USF3: variants seen among roughly 807,000 people sequenced by gnomAD.
USF3 encodes upstream transcription factor family member 3.
In USF3, 29 loss-of-function variants were observed where a neutral mutation model predicts 157.5. The ratio of observed to expected loss-of-function variants is 0.18; its 90% confidence interval spans 0.14 to 0.25. The LOEUF (loss-of-function observed/expected upper bound fraction) is 0.25, where lower values mean the gene tolerates loss of function less well. Among genes scored for constraint, USF3 ranks in the 10% least tolerant of loss-of-function variants. The probability of loss-of-function intolerance (pLI) is 1.00; values close to 1 mark genes in which losing one functional copy is unlikely to be tolerated. For synonymous variants in USF3, 893 were observed against 941.4 expected (o/e 0.95, Z 0.94); for missense variants, 2,381 against 2,667.6 (o/e 0.89, Z 2.37).
At chr3:113,679,712 C>G (rs1707367251) in intron 1 of USF3, among the ~76,000 whole-genome samples, 2 of 152,152 alleles carry the variant, frequency 1.3e-5, no homozygotes, top group Non-Finnish European at 2.9e-5. Flanking sequence ...CCACGCCCAG[C>G]CTCAGAAAGT....
intron 1 of USF3, among the ~76,000 whole-genome samples, chr3:113,692,345 T>C (rs1347388461): frequency 6.6e-6 from 1 of 152,216 alleles, no homozygotes; most frequent in Non-Finnish European, 1.5e-5. Flanking sequence ...ACTCCATTAC[T>C]GAGTGCTAAT....
intron 1 of USF3, among the ~76,000 whole-genome samples, chr3:113,692,415 T>C (rs1021873386): frequency 6.6e-6 from 1 of 151,656 alleles, no homozygotes; most frequent in Non-Finnish European, 1.5e-5. Flanking sequence ...AATACAAACA[T>C]GAAAAAAAAT....
chr3:113,681,531 T>G (rs1235872907), intron 1 of USF3, among the ~76,000 whole-genome samples: 1 of 151,136 alleles, frequency 6.6e-6, no homozygotes, highest in South Asian at 2.1e-4. Context: ...TACTTGATAT[T>G]ATTTCACCAC....
rs142461559 is a variant in USF3, at chr3:113,679,910, T to A, written c.-134-2513A>T. 1.1e-3 allele frequency among the ~76,000 whole-genome samples: 165 copies of A among 152,228 alleles called. 2 individuals carry two copies. The highest frequency in any genetic ancestry group is 3.8e-3 in the African/African-American group (159 of 41,558). ...TCATTTTTATTGCTGAGTATAAATA[T>A]ACAACTGCATGTGAATTTGTAACAG... On this transcript the variant is annotated intron_variant, in intron 1 of 6. Transcript: ENST00000316407.
intron 1 of USF3, among the ~76,000 whole-genome samples, chr3:113,682,350 C>CA (rs371137226): frequency 0.01 from 1,401 of 137,336 alleles, 15 homozygotes; most frequent in African/African-American, 0.032. Flanking sequence ...AACAAACAAA[C>CA]AAAAAAAAAA....
chr3:113,664,502 T>C (rs1039838140), intron 5 of USF3, 93 bp from the exon 6 acceptor site: 21 of 614,306 alleles, frequency 3.4e-5, no homozygotes, highest in Non-Finnish European at 6.0e-5. Context: ...CACATATATA[T>C]GATACGTATC....
At chr3:113,695,058 G>T (rs1707769966) in intron 1 of USF3, among the ~76,000 whole-genome samples, 1 of 151,504 alleles carries the variant, frequency 6.6e-6, no homozygotes, top group Non-Finnish European at 1.5e-5. Flanking sequence ...AAAAATAAAA[G>T]AAAGTTTACG....
Position 113,657,172 on chromosome 3 carries a change from A to G in USF3, c.4510T>C (p.Ser1504Pro). The G allele has an allele frequency of 2.5e-6, 4 of 1,614,088 alleles. No individual in the cohort carries two copies. Among genetic ancestry groups the G allele is most frequent in the Non-Finnish European group, 3.4e-6 (4 of 1,180,026 alleles). The change falls in exon 7 of 7, where the codon TCT becomes CCT. Residue 1504 changes from serine (S) to proline (P), a missense_variant. By Grantham distance (74) the Ser-to-Pro change is moderately conservative (BLOSUM62 -1). Transcript: ENST00000316407. ...HVPHAESSVHSQPHNVHQQRT... is the reference protein window; with the variant it reads ...HVPHAESSVHPQPHNVHQQRT... ...TGTTGGTGGACATTATGGGGCTGAG[A>G]GTGGACAGAGCTCTCTGCATGAGGT...
In USF3 at chr3:113,656,605, T is replaced by C. The variant is rs748961008; in HGVS notation, c.5077A>G (p.Arg1693Gly). Residue 1693 changes from arginine to glycine, a missense_variant, in exon 7 of 7, where the codon AGA becomes GGA. Physicochemically the swap from Arg to Gly is moderately radical, Grantham distance 125. This residue lies in a region of USF3 where 770 missense variants were observed against 824.2 expected (regional missense o/e 0.93). Coordinates refer to ENST00000316407, the MANE Select transcript of USF3 (RefSeq NM_001009899.4). ...QRMGISIQGS[R>G]VSDQLEMRSY... ...CTCATTTCAAGCTGATCTGAAACTC[T>C]GGAACCCTGAATTGATATCCCCATT... The C allele has an allele frequency of 1.9e-6, 3 of 1,614,252 alleles. No homozygotes were observed. Among genetic ancestry groups the C allele is most frequent in the Non-Finnish European group, 2.5e-6 (3 of 1,180,044 alleles).
Position 113,655,875 on chromosome 3 carries a change from T to C in USF3, c.5807A>G (p.Asn1936Ser). 2 of 1,614,120 alleles carry C rather than the reference T, an allele frequency of 1.2e-6. No individual in the cohort carries two copies. Among genetic ancestry groups the C allele is most frequent in the African/African-American group, 1.3e-5 (1 of 75,028 alleles). ...ATGCATGTTGGTTGTGACTGGAGGG[T>C]TCATGTGGCCCTTGGTGGCATGACT... The part of the protein sequence containing the change: ...TESHATKGHM[N>S]PPVTTNMHGV... Residue 1936 changes from asparagine to serine, a missense_variant, in exon 7 of 7, where the codon AAC becomes AGC. Physicochemically the swap from Asn to Ser is conservative, Grantham distance 46. This residue lies in a region of USF3 where 770 missense variants were observed against 824.2 expected (regional missense o/e 0.93). Transcript: ENST00000316407.
Position 113,657,804 on chromosome 3 carries a change from G to A in USF3, c.3878C>T (p.Thr1293Ile). 6.2e-7 allele frequency: 1 copy of A among 1,614,144 alleles called. No homozygotes were observed. ...GSQPPGPSLM[T>I]EYSQEQLNTM... ...ATTTAGCTGTTCTTGGGAATATTCAGTCATCAGAGATGGTCCAGGAGGTTG... is the reference window on the plus strand; with the variant it reads ...ATTTAGCTGTTCTTGGGAATATTCAATCATCAGAGATGGTCCAGGAGGTTG... Residue 1293 changes from threonine to isoleucine, a missense_variant, in exon 7 of 7, where the codon ACT becomes ATT. By Grantham distance (89) the Thr-to-Ile change is moderately conservative. Coordinates refer to ENST00000316407, the MANE Select transcript of USF3 (RefSeq NM_001009899.4).
At position 113,693,990 on chromosome 3, in the gene USF3, G is replaced by C. The variant is rs1284218093; in HGVS notation, c.-135+2380C>G. Reference sequence around the variant, plus strand: ...GTAGTCTCATGGGAGTTCTCAGCCAGGGCTACTGAACAGAATCACCTGGAG... The same window carrying C: ...GTAGTCTCATGGGAGTTCTCAGCCACGGCTACTGAACAGAATCACCTGGAG... On this transcript the variant is annotated intron_variant, in intron 1 of 6. Transcript: ENST00000316407. 5.3e-5 allele frequency among the ~76,000 whole-genome samples: 8 copies of C among 152,232 alleles called. No individual in the cohort carries two copies. In the South Asian group the frequency reaches 1.7e-3, roughly 31 times the overall value.
chr3:113,674,897 C>CTACA lies in USF3; in HGVS notation c.-18-5_-18-2dup. 2 of 1,601,476 alleles carry CTACA rather than the reference C, an allele frequency of 1.2e-6. No individual in the cohort carries two copies. The highest frequency in any genetic ancestry group is 8.6e-7 in the Non-Finnish European group (1 of 1,168,634). On this transcript the variant is annotated splice_acceptor_variant, in intron 2 of 6. Transcript: ENST00000316407. LOFTEE classifies it low-confidence loss of function (5UTR_SPLICE). The stretch of plus-strand genomic sequence containing the variant: ...CTGGCATGGTTACAGTAATAGGAAC[C>CTACA]TACAGAAGGATAGAAAGACACACCA...
At chr3:113,681,493 A>C (rs1333964212) in intron 1 of USF3, among the ~76,000 whole-genome samples, 1 of 151,402 alleles carries the variant, frequency 6.6e-6, no homozygotes, top group Non-Finnish European at 1.5e-5. Context: ...TATTGATTAT[A>C]GTTTTATTCC....
At chr3:113,687,820 C>T (rs1186902864) in intron 1 of USF3, among the ~76,000 whole-genome samples, 2 of 152,206 alleles carry the variant, frequency 1.3e-5, no homozygotes, top group Admixed American at 6.5e-5. Context: ...GGAACAACTT[C>T]GTCCTTTTAT....
At position 113,655,406 on chromosome 3, in the gene USF3, G is replaced by A; in HGVS notation, c.6276C>T (p.Ala2092=). The A allele has an allele frequency of 6.2e-7, 1 of 1,614,108 alleles. No individual in the cohort carries two copies. Among genetic ancestry groups the A allele is most frequent in the Non-Finnish European group, 8.5e-7 (1 of 1,180,014 alleles). ...CCGGGATGAGGGCTGGAGTTCGAGTGGCACTAGGCTGAGTAACCTGTGGAA... is the reference window on the plus strand; with the variant it reads ...CCGGGATGAGGGCTGGAGTTCGAGTAGCACTAGGCTGAGTAACCTGTGGAA... ...SFIPQVTQPS[A]TRTPALIPVD... is the part of the protein sequence containing the mutation. The change falls in exon 7 of 7, where the codon GCC becomes GCT. Residue 2092 remains alanine, a synonymous_variant. Coordinates refer to ENST00000316407, the MANE Select transcript of USF3 (RefSeq NM_001009899.4).
intron 5 of USF3, among the ~76,000 whole-genome samples, chr3:113,666,254 T>C (rs866028504): frequency 7.1e-6 from 1 of 141,652 alleles, no homozygotes; most frequent in African/African-American, 2.6e-5. Context: ...CTTTCTTTTT[T>C]TTTTTTTTTT....
At chr3:113,675,038 T>C in intron 2 of USF3, 142 bp from the exon 3 acceptor site, 1 of 627,360 alleles carries the variant, frequency 1.6e-6, no homozygotes. Context: ...GTGTTGCAGA[T>C]AGAAAGAAGT....
intron 1 of USF3, among the ~76,000 whole-genome samples, chr3:113,687,023 A>G (rs1411275807): frequency 6.6e-6 from 1 of 152,216 alleles, no homozygotes; most frequent in East Asian, 1.9e-4. Context: ...AGGATTATGT[A>G]TTTAGAATTA....
Sources: gnomAD v4.1 joint callset for allele counts (sites outside exome capture counted in the v4.1 genomes callset) on GRCh38, gnomAD v4.1.1 for gene constraint, gnomAD v4.1.1 regional missense constraint, MANE v1.5 for transcripts, NCBI Gene and HGNC (gene_info 2026-07-23, HGNC 2026-07-21) for gene names.